Variants in ANKRD45 observed in about 807,000 individuals in gnomAD.
ANKRD45 encodes the protein ankyrin repeat domain-containing protein 45.
Under a neutral mutation model 28.1 loss-of-function variants are expected in ANKRD45, and 21 were observed. That is an observed-to-expected ratio of 0.75 (90% CI 0.53 to 1.08). The LOEUF is 1.08. ANKRD45 is among the 50% of genes least tolerant of loss of function. The pLI is 0.00. For synonymous variants in ANKRD45, 86 were observed against 103.9 expected (o/e 0.83, Z 1.05); for missense variants, 261 against 308.7 (o/e 0.85, Z 1.16).
chr1:173,662,891 T>C (rs1669842750), intron 1 of ANKRD45, among the ~76,000 whole-genome samples: 1 of 152,058 alleles, frequency 6.6e-6, no homozygotes. Context: ...TAGACAGGGA[T>C]TGGAAATGGG....
intron 3 of ANKRD45, chr1:173,635,883 T>G: frequency 7.1e-7 from 1 of 1,403,434 alleles, no homozygotes. Flanking sequence ...TTACAAAATC[T>G]CTAAGGGTTT....
intron 2 of ANKRD45, among the ~76,000 whole-genome samples, chr1:173,655,558 G>C (rs1669465403): frequency 6.6e-6 from 1 of 152,184 alleles, no homozygotes; most frequent in Non-Finnish European, 1.5e-5. Flanking sequence ...TCCCAGTTAG[G>C]CTACATGGGG....
intron 5 of ANKRD45, among the ~76,000 whole-genome samples, chr1:173,618,556 AT>A (rs1667564259): frequency 6.6e-6 from 1 of 152,238 alleles, no homozygotes; most frequent in South Asian, 2.1e-4. Flanking sequence ...CTTGAAGACT[AT>A]CTTTTGAAAT....
chr1:173,688,482 C>T, the ANKRD45 span, among the ~76,000 whole-genome samples: 1 of 148,554 alleles, frequency 6.7e-6, no homozygotes, highest in Non-Finnish European at 1.5e-5. Context: ...CTCTTCCTCT[C>T]TCTCTCTGCC....
chr1:173,630,687 G>T (rs1571714341), intron 3 of ANKRD45, among the ~76,000 whole-genome samples: 1 of 147,020 alleles, frequency 6.8e-6, no homozygotes, highest in East Asian at 1.9e-4. Flanking sequence ...TGGCGTCGTG[G>T]TGCATGCCTA....
intron 1 of ANKRD45, among the ~76,000 whole-genome samples, chr1:173,659,884 C>A (rs561430814): frequency 2.0e-5 from 3 of 152,266 alleles, no homozygotes; most frequent in Admixed American, 2.0e-4. Context: ...GTAACACATA[C>A]TGAAAGCACT....
In ANKRD45 at chr1:173,610,170, C is replaced by T. The variant is rs779686460; in HGVS notation, c.776G>A (p.Arg259Lys). Residue 259 changes from arginine to lysine, a missense_variant, in exon 6 of 6, where the codon AGA (arginine) becomes AAA (lysine). Physicochemically the swap from Arg to Lys is conservative, Grantham distance 26. Coordinates refer to ENST00000333279, the MANE Select transcript of ANKRD45 (RefSeq NM_198493.3). ...TCAGTTGGAGGTATCATCTTGACTT[C>T]TCTTCTGGTCATGGCTTGTTACAGA... ...AKSVTSHDQK[R>K]SQDDTSN 1.4e-5 allele frequency: 23 copies of T among 1,614,048 alleles called. No individual in the cohort carries two copies. Among genetic ancestry groups the T allele is most frequent in the South Asian group, 5.5e-5 (5 of 91,086 alleles).
chr1:173,653,389 T>C (rs1405851528), intron 2 of ANKRD45, among the ~76,000 whole-genome samples: 7 of 152,224 alleles, frequency 4.6e-5, no homozygotes, highest in Admixed American at 4.6e-4. Context: ...TTGTTCAGTT[T>C]CCATGTAGTT....
At chr1:173,650,982 C>A (rs975811370) in intron 2 of ANKRD45, among the ~76,000 whole-genome samples, 7 of 152,042 alleles carry the variant, frequency 4.6e-5, no homozygotes, top group Non-Finnish European at 8.8e-5. Flanking sequence ...TTTGCAGATT[C>A]TGGATATTAG....
intron 2 of ANKRD45, among the ~76,000 whole-genome samples, chr1:173,655,135 C>T (rs145361998): frequency 1.3e-5 from 2 of 152,152 alleles, no homozygotes; most frequent in East Asian, 1.9e-4. Flanking sequence ...CAGCTTTGTT[C>T]CGTTGCTGGT....
chr1:173,635,171 AAAC>A (rs1364116062), intron 3 of ANKRD45, among the ~76,000 whole-genome samples: 1 of 152,052 alleles, frequency 6.6e-6, no homozygotes, highest in Non-Finnish European at 1.5e-5. Context: ...CATTCTGGCA[AAAC>A]AACAACACAA....
intron 3 of ANKRD45, among the ~76,000 whole-genome samples, chr1:173,634,988 T>C (rs1668362198): frequency 6.6e-6 from 1 of 152,010 alleles, no homozygotes; most frequent in African/African-American, 2.4e-5. Flanking sequence ...TTATGTGAAG[T>C]GGTATACTAT....
the ANKRD45 span, among the ~76,000 whole-genome samples, chr1:173,706,602 G>A: frequency 1.3e-5 from 2 of 152,150 alleles, no homozygotes; most frequent in South Asian, 4.2e-4. Flanking sequence ...GCCTCCCAAA[G>A]TGCTGGGATT....
the ANKRD45 span, among the ~76,000 whole-genome samples, chr1:173,711,702 C>G: frequency 6.6e-6 from 1 of 152,114 alleles, no homozygotes; most frequent in Admixed American, 6.5e-5. Context: ...TTCAGGCTCC[C>G]GAAGGGCATA....
upstream of ANKRD45, among the ~76,000 whole-genome samples, chr1:173,672,339 G>A (rs1670285414): frequency 6.6e-6 from 1 of 152,158 alleles, no homozygotes; most frequent in African/African-American, 2.4e-5. Flanking sequence ...CTTACTGAAG[G>A]TGATGAAGAG....
At chr1:173,680,930 C>G in the ANKRD45 span, among the ~76,000 whole-genome samples, 1 of 129,802 alleles carries the variant, frequency 7.7e-6, no homozygotes, top group African/African-American at 2.9e-5. Context: ...CACATGGACA[C>G]AGGGAGGGCA....
At chr1:173,612,116 C>T (rs1667181960) in intron 5 of ANKRD45, among the ~76,000 whole-genome samples, 1 of 152,006 alleles carries the variant, frequency 6.6e-6, no homozygotes, top group African/African-American at 2.4e-5. Context: ...TGGTGGCATA[C>T]CGCTGTACTC....
At chr1:173,699,109 T>G in the ANKRD45 span, among the ~76,000 whole-genome samples, 1 of 151,960 alleles carries the variant, frequency 6.6e-6, no homozygotes, top group African/African-American at 2.4e-5. Flanking sequence ...ACACCCTCCC[T>G]ACACTAAACC....
At chr1:173,663,259 G>T (rs74720164) in intron 1 of ANKRD45, among the ~76,000 whole-genome samples, 1 of 152,112 alleles carries the variant, frequency 6.6e-6, no homozygotes, top group Non-Finnish European at 1.5e-5. Flanking sequence ...TCTATCCTGC[G>T]ATCTTGAATC....
Sources: gnomAD v4.1 joint callset for allele counts (sites outside exome capture counted in the v4.1 genomes callset) on GRCh38, gnomAD v4.1.1 for gene constraint, MANE v1.5 for transcripts, NCBI Gene and HGNC (gene_info 2026-07-23, HGNC 2026-07-21) for gene names.